Variants in OTP observed in about 807,000 individuals in gnomAD.
OTP encodes the protein homeobox protein orthopedia.
A neutral mutation model predicts 22.3 loss-of-function variants in OTP; 5 were observed. The ratio of observed to expected loss-of-function variants is 0.22; its 90% CI spans 0.12 to 0.47. The LOEUF (loss-of-function observed/expected upper bound fraction) is 0.47. Among genes scored for constraint, OTP ranks in the 20% least tolerant of loss-of-function variants. The pLI, the probability that OTP is intolerant of heterozygous loss-of-function variation, is 0.99. For synonymous variants in OTP, 229 were observed against 210.6 expected, an observed-to-expected ratio of 1.09 and a Z score of -0.76; for missense variants, 428 against 456.2, an observed-to-expected ratio of 0.94 and a Z score of 0.56.
chr5:77,636,010 T>C (rs1211459845), intron 2 of OTP: 3 of 152,202 alleles, frequency 2.0e-5, no homozygotes, highest in Non-Finnish European at 4.4e-5. Context: ...TTATATATAA[T>C]TTACAGCTTG....
chr5:77,633,221 G>A (rs1054980277), intron 2 of OTP, among the ~76,000 whole-genome samples: 9 of 152,094 alleles, frequency 5.9e-5, no homozygotes, highest in Non-Finnish European at 4.4e-5. Flanking sequence ...CTGAATCTAG[G>A]ATCTGCTCAG....
In OTP at chr5:77,630,470, C is replaced by A; in HGVS notation, c.772G>T (p.Gly258Cys). ...GACTGCAGCCCCGCGCCGTTGGAAC[C>A]CGCCAGGCTGTTGGACAGGCCCATG... ...NSMGLSNSLAGSNGAGLQSHL... is the reference protein window; with the variant it reads ...NSMGLSNSLACSNGAGLQSHL... Residue 258 changes from glycine to cysteine, a missense_variant, in exon 3 of 3, where the codon GGT becomes TGT. Physicochemically the swap from Gly to Cys is radical, Grantham distance 159. Transcript: ENST00000306422. 6.3e-7 allele frequency: 1 copy of A among 1,590,136 alleles called. No individual in the cohort carries two copies. The highest frequency in any genetic ancestry group is 2.3e-5 in the East Asian group (1 of 43,798).
intron 1 of OTP, among the ~76,000 whole-genome samples, chr5:77,637,820 TC>T (rs1218335890): frequency 3.3e-5 from 5 of 152,072 alleles, no homozygotes; most frequent in Non-Finnish European, 5.9e-5. Context: ...AGATTCCCAA[TC>T]CGGAAACCCA....
intron 2 of OTP, chr5:77,636,612 A>C: frequency 1.9e-6 from 1 of 535,478 alleles, no homozygotes; most frequent in East Asian, 3.1e-5. Flanking sequence ...ATGTCGCTAT[A>C]CTGGCCGGAG....
chr5:77,635,469 T>C (rs1278967402), intron 2 of OTP, among the ~76,000 whole-genome samples: 1 of 152,234 alleles, frequency 6.6e-6, no homozygotes, highest in South Asian at 2.1e-4. Context: ...AGACTTATAT[T>C]GTATAAAAAT....
At chr5:77,636,683 G>T in intron 2 of OTP, 138 bp downstream of exon 2, 1 of 797,460 alleles carries the variant, frequency 1.3e-6, no homozygotes, top group Non-Finnish European at 2.0e-6. Flanking sequence ...TAGAGAAGGA[G>T]ATAACTCGAT....
intron 1 of OTP, among the ~76,000 whole-genome samples, 188 bp from the exon 2 acceptor site, chr5:77,637,418 C>T (rs1394831833): frequency 6.6e-6 from 1 of 152,222 alleles, no homozygotes; most frequent in Admixed American, 6.5e-5. Context: ...ATAATATCTC[C>T]CGGCCCCTTG....
In OTP at chr5:77,637,144, G is replaced by T. The variant is rs1162310442; in HGVS notation, c.124C>A (p.Pro42Thr). ...GVGGSDPGGH[P>T]GDLAPNSDPV... is the part of the protein sequence containing the mutation. ...TCAGAGTTGGGCGCCAGGTCCCCCG[G>T]ATGGCCCCCGGGGTCGGAGCCCCCC... is the stretch of plus-strand genomic sequence containing the variant. Residue 42 changes from proline (P) to threonine (T), a missense_variant, in exon 2 of 3, where the codon CCG becomes ACG. Transcript: ENST00000306422. The T allele has an allele frequency of 1.9e-6, 3 of 1,597,720 alleles. No homozygotes were observed. Among genetic ancestry groups the T allele is most frequent in the Non-Finnish European group, 1.7e-6 (2 of 1,172,190 alleles).
At position 77,630,661 on chromosome 5, in the gene OTP, G is replaced by A; in HGVS notation, c.581C>T (p.Ala194Val). 1 of 1,574,460 alleles carries A rather than the reference G, an allele frequency of 6.4e-7. No individual in the cohort carries two copies. Among genetic ancestry groups the A allele is most frequent in the Non-Finnish European group, 8.6e-7 (1 of 1,168,260 alleles). ...GAAAGAGCACAGGCTGTCGCCCATG[G>A]CGGCGGCAGCGGCGGCGGCAGCCGA... is the stretch of plus-strand genomic sequence containing the variant. ...FPSAAAAAAA[A>V]MGDSLCSFHA... Residue 194 changes from alanine (A) to valine (V), a missense_variant, in exon 3 of 3, where the codon GCC (alanine) becomes GTC (valine). This residue lies in a region of OTP where 236 missense variants were observed against 238.1 expected (regional missense o/e 0.99). Transcript: ENST00000306422.
chr5:77,634,673 A>C (rs1488532751), intron 2 of OTP, among the ~76,000 whole-genome samples: 1 of 152,336 alleles, frequency 6.6e-6, no homozygotes, highest in Admixed American at 6.5e-5. Flanking sequence ...GGTACAGTGA[A>C]TTGTGAAGTA....
intron 2 of OTP, among the ~76,000 whole-genome samples, chr5:77,632,689 A>G (rs921471369): frequency 6.6e-5 from 10 of 151,804 alleles, no homozygotes; most frequent in Non-Finnish European, 1.3e-4. Context: ...GTCGCCTACC[A>G]CTTTCTTCCT....
At chr5:77,633,589 G>A (rs1422114158) in intron 2 of OTP, among the ~76,000 whole-genome samples, 1 of 152,106 alleles carries the variant, frequency 6.6e-6, no homozygotes, top group Non-Finnish European at 1.5e-5. Flanking sequence ...AGCTCTTCTT[G>A]GAAAATGCTT....
chr5:77,630,567 C>A lies in OTP; in HGVS notation c.675G>T (p.Ala225=). The part of the protein sequence containing the change: ...PGVSQLPLPP[A]LGRQQAMAQS... ...GCGCCATGGCCTGCTGCCTGCCCAG[C>A]GCCGGCGGCAGAGGCAGCTGTGACA... The change falls in exon 3 of 3, where the codon GCG becomes GCT. Residue 225 remains alanine, a synonymous_variant. Coordinates refer to ENST00000306422, the MANE Select transcript of OTP (RefSeq NM_032109.3). The A allele has an allele frequency of 6.4e-7, 1 of 1,565,430 alleles. No individual in the cohort carries two copies. Among genetic ancestry groups the A allele is most frequent in the African/African-American group, 1.4e-5 (1 of 73,934 alleles).
chr5:77,630,606 G>T lies in OTP; in HGVS notation c.636C>A (p.Ala212=), dbSNP rs1179568346. 6.4e-7 allele frequency: 1 copy of T among 1,554,772 alleles called. No individual in the cohort carries two copies. Among genetic ancestry groups the T allele is most frequent in the African/African-American group, 1.4e-5 (1 of 73,630 alleles). ...FHANDTRWAA[A]AMPGVSQLPL... is the part of the protein sequence containing the mutation. ...GCAGCTGTGACACGCCAGGCATGGC[G>T]GCCGCCGCCCAGCGGGTGTCGTTGG... Residue 212 remains alanine, a synonymous_variant, in exon 3 of 3, where the codon GCC becomes GCA. Coordinates refer to ENST00000306422, the MANE Select transcript of OTP (RefSeq NM_032109.3).
intron 2 of OTP, among the ~76,000 whole-genome samples, chr5:77,633,435 G>A (rs1454172991): frequency 6.6e-6 from 1 of 152,190 alleles, no homozygotes; most frequent in African/African-American, 2.4e-5. Flanking sequence ...TTTTTTAAAT[G>A]TGAATGTTTC....
At chr5:77,635,604 C>T (rs1209806142) in intron 2 of OTP, among the ~76,000 whole-genome samples, 1 of 152,160 alleles carries the variant, frequency 6.6e-6, no homozygotes, top group Non-Finnish European at 1.5e-5. Flanking sequence ...TTTAAAATGC[C>T]GAATGGAGAC....
chr5:77,630,604 G>A lies in OTP; in HGVS notation c.638C>T (p.Ala213Val), dbSNP rs776424637. Residue 213 changes from alanine (A) to valine (V), a missense_variant, in exon 3 of 3, where the codon GCC (alanine) becomes GTC (valine). Ala to Val is a moderately conservative substitution (Grantham distance 64, BLOSUM62 0). This residue lies in a region of OTP where 236 missense variants were observed against 238.1 expected (regional missense o/e 0.99). Coordinates refer to ENST00000306422, the MANE Select transcript of OTP (RefSeq NM_032109.3). ...AGGCAGCTGTGACACGCCAGGCATG[G>A]CGGCCGCCGCCCAGCGGGTGTCGTT... Reference protein sequence around the residue: ...HANDTRWAAAAMPGVSQLPLP... With the variant: ...HANDTRWAAAVMPGVSQLPLP... The A allele has an allele frequency of 6.4e-7, 1 of 1,553,850 alleles. No individual in the cohort carries two copies. The highest frequency in any genetic ancestry group is 1.2e-5 in the South Asian group (1 of 85,752).
In OTP at chr5:77,636,812, C is replaced by A; in HGVS notation, c.447+9G>T. 6.2e-7 allele frequency: 1 copy of A among 1,601,748 alleles called. No homozygotes were observed. On this transcript the variant is annotated intron_variant, in intron 2 of 2. Coordinates refer to ENST00000306422, the MANE Select transcript of OTP (RefSeq NM_032109.3). ...TTGCCTTCTGTCCCAGATCCCAAGC[C>A]CCTCGTACCTGCACTCGGGACTCGG...
intron 1 of OTP, 53 bp downstream of exon 1, chr5:77,638,460 C>A (rs1745043625): frequency 1.3e-6 from 2 of 1,538,990 alleles, no homozygotes. Context: ...AACAAATTGA[C>A]AATTTCCTGC....
Sources: allele counts gnomAD v4.1 joint callset (sites outside exome capture counted in the v4.1 genomes callset), GRCh38; gene constraint gnomAD v4.1.1; regional missense constraint gnomAD v4.1.1; transcripts MANE v1.5; gene names NCBI Gene and HGNC (gene_info 2026-07-23, HGNC 2026-07-21).